The following STXBP5L variants were observed in gnomAD, a reference collection of about 807,000 sequenced individuals.
The protein encoded by STXBP5L is syntaxin-binding protein 5-like.
STXBP5L carries 65 observed loss-of-function variants against 144.5 expected under a neutral mutation model. That is an observed-to-expected ratio of 0.45 (90% CI 0.37 to 0.55). STXBP5L has a LOEUF of 0.55. Ranked by LOEUF, STXBP5L falls within the 20% of genes least tolerant of loss-of-function variation. The pLI, the probability that STXBP5L is intolerant of heterozygous loss-of-function variation, is 0.00. For synonymous variants in STXBP5L, 505 were observed against 469.6 expected, an observed-to-expected ratio of 1.08 and a Z score of -0.97; for missense variants, 1,298 against 1,405.5, an observed-to-expected ratio of 0.92 and a Z score of 1.22.
intron 5 of STXBP5L, among the ~76,000 whole-genome samples, chr3:121,078,834 G>T (rs917297686): frequency 6.6e-6 from 1 of 152,274 alleles, no homozygotes; most frequent in Admixed American, 6.5e-5. Flanking sequence ...GGCAGGGCTG[G>T]CCGGCTGCTC....
At chr3:121,343,417 G>A (rs2044812721) in intron 20 of STXBP5L, among the ~76,000 whole-genome samples, 1 of 152,094 alleles carries the variant, frequency 6.6e-6, no homozygotes, top group Non-Finnish European at 1.5e-5. Flanking sequence ...GCAGGAGAAG[G>A]AAATAAAGGT....
At chr3:121,193,966 T>TATAATA (rs144408060) in intron 9 of STXBP5L, among the ~76,000 whole-genome samples, 2 of 150,172 alleles carry the variant, frequency 1.3e-5, no homozygotes, top group African/African-American at 4.9e-5. Flanking sequence ...GAAGTTAACA[T>TATAATA]ATAATAATAA....
At chr3:121,228,934 C>A (rs1028956222) in intron 11 of STXBP5L, among the ~76,000 whole-genome samples, 5 of 152,210 alleles carry the variant, frequency 3.3e-5, no homozygotes, top group African/African-American at 1.2e-4. Flanking sequence ...ACATAGGTGA[C>A]CAGATTTTTA....
intron 19 of STXBP5L, among the ~76,000 whole-genome samples, chr3:121,313,472 A>C (rs1230320978): frequency 1.7e-5 from 1 of 57,240 alleles, no homozygotes. Flanking sequence ...GGACGGGGCG[A>C]CTGGCCGGGC....
intron 11 of STXBP5L, among the ~76,000 whole-genome samples, chr3:121,225,871 A>G (rs1205122425): frequency 1.3e-5 from 2 of 152,230 alleles, no homozygotes; most frequent in Non-Finnish European, 2.9e-5. Context: ...CTCGTGCATT[A>G]TGAAGCCCTT....
At chr3:121,227,917 C>T (rs897836964) in intron 11 of STXBP5L, among the ~76,000 whole-genome samples, 1 of 152,110 alleles carries the variant, frequency 6.6e-6, no homozygotes, top group African/African-American at 2.4e-5. Context: ...TAAACCTAAT[C>T]ATTTAATATC....
intron 20 of STXBP5L, among the ~76,000 whole-genome samples, chr3:121,330,954 G>T (rs546679615): frequency 6.6e-6 from 1 of 152,290 alleles, no homozygotes; most frequent in East Asian, 1.9e-4. Context: ...ACCTGCTGCT[G>T]GGAGACTTGA....
At chr3:120,914,187 A>G (rs1463796769) in intron 2 of STXBP5L, among the ~76,000 whole-genome samples, 5 of 152,044 alleles carry the variant, frequency 3.3e-5, no homozygotes, top group East Asian at 3.8e-4. Context: ...ACAGTGACAA[A>G]CACACAGGGT....
chr3:120,977,682 C>G (rs1941236548), intron 3 of STXBP5L, among the ~76,000 whole-genome samples: 1 of 152,208 alleles, frequency 6.6e-6, no homozygotes, highest in South Asian at 2.1e-4. Context: ...GTGGCTGGTA[C>G]CAGTTGTTTC....
chr3:121,200,443 T>G (rs2048095021), intron 9 of STXBP5L, among the ~76,000 whole-genome samples: 1 of 152,236 alleles, frequency 6.6e-6, no homozygotes, highest in Non-Finnish European at 1.5e-5. Flanking sequence ...CTGGATTCAT[T>G]GATTTTTTGA....
rs373809746 is a variant in STXBP5L, at chr3:121,111,883, T to C, written c.471-3042T>C. 5.9e-5 allele frequency among the ~76,000 whole-genome samples: 9 copies of C among 152,202 alleles called. No homozygotes were observed. In the East Asian group the frequency reaches 1.2e-3, roughly 20 times the overall value. ...TGGCTGCCCCTCCTGCAAGGGGCTC[T>C]ATCCCAGGGAGATCAGAGTTCTGTC... On this transcript the variant is annotated intron_variant, in intron 5 of 26. Transcript: ENST00000471454.
At chr3:120,992,292 A>C (rs572204523) in intron 3 of STXBP5L, among the ~76,000 whole-genome samples, 1 of 152,156 alleles carries the variant, frequency 6.6e-6, no homozygotes, top group Non-Finnish European at 1.5e-5. Context: ...TTATTTATAT[A>C]TGTTGGGAAC....
intron 5 of STXBP5L, among the ~76,000 whole-genome samples, chr3:121,093,016 G>A (rs184744454): frequency 6.6e-6 from 1 of 152,114 alleles, no homozygotes; most frequent in Admixed American, 6.6e-5. Context: ...CTTTTCTGCA[G>A]CTATTGAGAT....
Position 121,282,217 on chromosome 3 carries a change from C to T in STXBP5L, c.2110+2261C>T, listed in dbSNP as rs202026054. On this transcript the variant is annotated intron_variant, in intron 19 of 26. Coordinates refer to ENST00000471454, the MANE Select transcript of STXBP5L (RefSeq NM_001308330.2). ...TTCCTTTCACTTTAGACTTTTTTTT[C>T]TCTTTCTTCTGCCTGCTGCTGATGC... The T allele has an allele frequency of 1.7e-4, 257 of 1,549,640 alleles. No homozygotes were observed. In the African/African-American group the frequency reaches 2.3e-3, roughly 14 times the overall value.
At chr3:121,140,967 T>C (rs2045476070) in intron 7 of STXBP5L, among the ~76,000 whole-genome samples, 1 of 152,114 alleles carries the variant, frequency 6.6e-6, no homozygotes, top group Non-Finnish European at 1.5e-5. Context: ...CCACAATGTA[T>C]ATATATTTCA....
At chr3:121,075,637 C>T (rs1560095777) in intron 5 of STXBP5L, among the ~76,000 whole-genome samples, 1 of 152,200 alleles carries the variant, frequency 6.6e-6, no homozygotes, top group Non-Finnish European at 1.5e-5. Context: ...GCCAGTAAGA[C>T]TTGCAGAGTC....
chr3:120,971,976 G>T (rs1050694676), intron 3 of STXBP5L, among the ~76,000 whole-genome samples: 12 of 152,022 alleles, frequency 7.9e-5, no homozygotes, highest in African/African-American at 2.7e-4. Flanking sequence ...TGTGGCCAGT[G>T]CTGTGACCTA....
At chr3:120,991,680 A>T (rs1393354125) in intron 3 of STXBP5L, among the ~76,000 whole-genome samples, 2 of 152,210 alleles carry the variant, frequency 1.3e-5, no homozygotes, top group Non-Finnish European at 2.9e-5. Flanking sequence ...TGTCCTTTGT[A>T]GGGACGTGGT....
intron 5 of STXBP5L, among the ~76,000 whole-genome samples, chr3:121,050,544 T>C (rs1947888981): frequency 6.6e-6 from 1 of 152,030 alleles, no homozygotes; most frequent in Non-Finnish European, 1.5e-5. Context: ...TGAGAGATTT[T>C]GTCACCACCA....
Sources: allele counts gnomAD v4.1 joint callset (sites outside exome capture counted in the v4.1 genomes callset), GRCh38; gene constraint gnomAD v4.1.1; transcripts MANE v1.5; gene names NCBI Gene and HGNC (gene_info 2026-07-23, HGNC 2026-07-21).